Variants in TRMT10A observed in about 807,000 individuals in gnomAD.
TRMT10A encodes tRNA methyltransferase 10A.
Under a neutral mutation model 40.4 loss-of-function variants are expected in TRMT10A, and 37 were observed. That is an observed-to-expected ratio of 0.92 (90% CI 0.71 to 1.21). TRMT10A has a LOEUF of 1.21. TRMT10A is among the 50% of genes most tolerant of loss of function. The pLI, the probability that TRMT10A is intolerant of heterozygous loss-of-function variation, is 0.00. For synonymous variants in TRMT10A, 103 were observed against 134.1 expected (o/e 0.77, Z 1.60); for missense variants, 388 against 404.3 (o/e 0.96, Z 0.35).
intron 6 of TRMT10A, 149 bp downstream of exon 6, chr4:99,553,636 T>C (rs2110186413): frequency 1.5e-6 from 1 of 676,388 alleles, no homozygotes; most frequent in East Asian, 2.9e-5. Flanking sequence ...CTAACTTATG[T>C]GAAATACTTT....
chr4:99,553,779 T>C lies in TRMT10A; in HGVS notation c.645+6A>G. The C allele has an allele frequency of 6.3e-7, 1 of 1,587,996 alleles. No individual in the cohort carries two copies. Among genetic ancestry groups the C allele is most frequent in the South Asian group, 1.1e-5 (1 of 87,084 alleles). ...AGCAAAAGCAAAAATAAAAATTTAA[T>C]AGTACCTTGTGATGGTTGTGATCTA... On this transcript the variant is annotated splice_donor_region_variant and intron_variant, in intron 6 of 7. Coordinates refer to ENST00000394876, the MANE Select transcript of TRMT10A (RefSeq NM_001134665.3).
At chr4:99,559,091 T>C (rs1724279388) in intron 2 of TRMT10A, 63 bp downstream of exon 2, 1 of 1,472,784 alleles carries the variant, frequency 6.8e-7, no homozygotes, top group South Asian at 1.4e-5. Context: ...CAAAGGGCTA[T>C]GCAAGGTTTA....
At chr4:99,555,369 T>A (rs1724125552) in intron 5 of TRMT10A, among the ~76,000 whole-genome samples, 1 of 152,170 alleles carries the variant, frequency 6.6e-6, no homozygotes, top group South Asian at 2.1e-4. Flanking sequence ...GGTATAGGGA[T>A]AACCCAGTAC....
At chr4:99,553,576 G>A (rs768245167) in intron 6 of TRMT10A, among the ~76,000 whole-genome samples, 3 of 152,126 alleles carry the variant, frequency 2.0e-5, no homozygotes, top group South Asian at 2.1e-4. Flanking sequence ...CTTGTGGAAC[G>A]TAAATAATAA....
Position 99,563,889 on chromosome 4 carries a change from G to T in TRMT10A, c.-24+24C>A, listed in dbSNP as rs1252991527. 4.2e-6 allele frequency: 3 copies of T among 716,634 alleles called. No homozygotes were observed. The East Asian group carries it at 8.2e-5, about 20-fold the overall frequency. 44.4% of individuals were successfully genotyped at this position (716,634 alleles called of 1,614,324 possible). On this transcript the variant is annotated intron_variant, in intron 1 of 7. Transcript: ENST00000394876. ...AGAGAATACCATAGTGCGGGGGAGC[G>T]CCAACCAGTGCCAGGACACTTACCG...
At position 99,563,862 on chromosome 4, in the gene TRMT10A, C is replaced by G. The variant is rs966181715; in HGVS notation, c.-24+51G>C. 5.8e-6 allele frequency: 4 copies of G among 688,706 alleles called. No individual in the cohort carries two copies. In the African/African-American group the frequency reaches 7.0e-5, roughly 12 times the overall value. 42.7% of individuals were successfully genotyped at this position (688,706 alleles called of 1,614,324 possible). On this transcript the variant is annotated intron_variant, in intron 1 of 7. Coordinates refer to ENST00000394876, the MANE Select transcript of TRMT10A (RefSeq NM_001134665.3). ...CTGCATGGCACGCGCCCCTTTGCGT[C>G]CAGAGAATACCATAGTGCGGGGGAG...
intron 5 of TRMT10A, 45 bp from the exon 6 acceptor site, chr4:99,553,979 T>C (rs753413550): frequency 3.8e-6 from 6 of 1,570,496 alleles, no homozygotes; most frequent in South Asian, 2.4e-5. Context: ...TAAGACCTTA[T>C]GAAAGTTGGC....
intron 1 of TRMT10A, among the ~76,000 whole-genome samples, chr4:99,562,132 C>T (rs1056779044): frequency 4.0e-5 from 6 of 149,240 alleles, no homozygotes; most frequent in Non-Finnish European, 7.4e-5. Flanking sequence ...GATCGCAGCA[C>T]TGCACTCCAA....
chr4:99,556,057 A>G, intron 5 of TRMT10A, 89 bp downstream of exon 5: 1 of 1,148,528 alleles, frequency 8.7e-7, no homozygotes, highest in Non-Finnish European at 1.3e-6. Flanking sequence ...TGTATTAAGT[A>G]GCATTATATA....
At chr4:99,559,010 TGC>T in intron 2 of TRMT10A, 142 bp downstream of exon 2, 3 of 850,590 alleles carry the variant, frequency 3.5e-6, no homozygotes, top group Non-Finnish European at 5.2e-6. Context: ...TTTCTTCTCT[TGC>T]GTTTTTCTTT....
intron 6 of TRMT10A, 92 bp downstream of exon 6, chr4:99,553,693 T>C (rs900452267): frequency 7.9e-7 from 1 of 1,264,528 alleles, no homozygotes; most frequent in Non-Finnish European, 1.1e-6. Flanking sequence ...TCAATAAAGA[T>C]GAGCTATCAT....
At chr4:99,562,201 A>ATATATGTGTGTGTGTG (rs374134499) in intron 1 of TRMT10A, among the ~76,000 whole-genome samples, 1 of 136,158 alleles carries the variant, frequency 7.3e-6, no homozygotes, top group African/African-American at 2.9e-5. Context: ...ATATATATAT[A>ATATATGTGTGTGTGTG]TGTGTGTGTG....
intron 5 of TRMT10A, 110 bp from the exon 6 acceptor site, chr4:99,554,044 A>C: frequency 9.1e-7 from 1 of 1,097,352 alleles, no homozygotes; most frequent in Non-Finnish European, 1.3e-6. Flanking sequence ...TATATGAAAC[A>C]AAGTTTGAAA....
At chr4:99,555,268 C>A (rs1474760021) in intron 5 of TRMT10A, among the ~76,000 whole-genome samples, 1 of 152,090 alleles carries the variant, frequency 6.6e-6, no homozygotes, top group Non-Finnish European at 1.5e-5. Context: ...ATATCATAGG[C>A]TATTAATAAA....
intron 1 of TRMT10A, among the ~76,000 whole-genome samples, chr4:99,561,207 C>T (rs1335392255): frequency 6.6e-6 from 1 of 152,096 alleles, no homozygotes; most frequent in Non-Finnish European, 1.5e-5. Context: ...CATCGTGATC[C>T]GCCTGCCTCG....
intron 2 of TRMT10A, among the ~76,000 whole-genome samples, chr4:99,558,432 C>A (rs1206592458): frequency 6.6e-6 from 1 of 152,056 alleles, no homozygotes; most frequent in Non-Finnish European, 1.5e-5. Context: ...CTAAAGCTTT[C>A]TATCTAAATC....
At chr4:99,562,557 G>T (rs971797249) in intron 1 of TRMT10A, among the ~76,000 whole-genome samples, 2 of 106,158 alleles carry the variant, frequency 1.9e-5, no homozygotes, top group Admixed American at 1.5e-4. Flanking sequence ...AGGGAGTCTT[G>T]CTAGGTCGCC....
intron 2 of TRMT10A, among the ~76,000 whole-genome samples, chr4:99,558,704 A>T (rs1204218165): frequency 6.6e-6 from 1 of 152,134 alleles, no homozygotes; most frequent in Non-Finnish European, 1.5e-5. Context: ...ATTTAGCCAA[A>T]CTGCTTTCAC....
intron 6 of TRMT10A, among the ~76,000 whole-genome samples, chr4:99,552,531 A>T (rs1724003380): frequency 6.6e-6 from 1 of 152,164 alleles, no homozygotes; most frequent in Non-Finnish European, 1.5e-5. Flanking sequence ...TCGCTAAATG[A>T]TGTAATTCTT....
Sources: gnomAD v4.1 joint callset for allele counts (sites outside exome capture counted in the v4.1 genomes callset) on GRCh38, gnomAD v4.1.1 for gene constraint, MANE v1.5 for transcripts, NCBI Gene and HGNC (gene_info 2026-07-23, HGNC 2026-07-21) for gene names.